TECRL: variants seen among roughly 807,000 people sequenced by gnomAD.
The protein encoded by TECRL is trans-2,3-enoyl-CoA reductase like.
Under a neutral mutation model 52.8 loss-of-function variants are expected in TECRL, and 63 were observed. The ratio of observed to expected loss-of-function variants is 1.19; its 90% CI spans 0.97 to 1.47. The LOEUF (loss-of-function observed/expected upper bound fraction) is 1.47, where lower values mean the gene tolerates loss of function less well. TECRL is among the 40% of genes most tolerant of loss of function. TECRL has a pLI of 0.00. For synonymous variants in TECRL, 164 were observed against 141.9 expected (o/e 1.16, Z -1.10); for missense variants, 482 against 429.6 (o/e 1.12, Z -1.08).
chr4:64,382,550 T>G (rs919289967), intron 1 of TECRL, among the ~76,000 whole-genome samples: 5 of 151,660 alleles, frequency 3.3e-5, no homozygotes, highest in African/African-American at 1.2e-4. Flanking sequence ...TGGTTTTCGT[T>G]TGTATGGAAT....
chr4:64,344,584 G>A (rs1719817626), intron 2 of TECRL, among the ~76,000 whole-genome samples: 1 of 152,126 alleles, frequency 6.6e-6, no homozygotes, highest in Non-Finnish European at 1.5e-5. Flanking sequence ...TGAAAATGGT[G>A]CCTGACATTT....
intron 2 of TECRL, among the ~76,000 whole-genome samples, chr4:64,367,236 G>A (rs545609679): frequency 1.6e-5 from 1 of 63,082 alleles, no homozygotes; most frequent in South Asian, 1.2e-3. Context: ...GCCTGCTTGA[G>A]GGTGGAGGTT....
chr4:64,370,567 T>C (rs999853603), intron 2 of TECRL, among the ~76,000 whole-genome samples: 5 of 151,862 alleles, frequency 3.3e-5, no homozygotes, highest in Admixed American at 6.6e-5. Context: ...TTGACTAATA[T>C]GTTACTAGTC....
chr4:64,358,579 T>C (rs1380964625), intron 2 of TECRL, among the ~76,000 whole-genome samples: 1 of 151,730 alleles, frequency 6.6e-6, no homozygotes, highest in Non-Finnish European at 1.5e-5. Context: ...GCAGTAAGTG[T>C]ATAATACTTT....
chr4:64,305,372 T>C, intron 6 of TECRL, 134 bp from the exon 7 acceptor site: 1 of 674,070 alleles, frequency 1.5e-6, no homozygotes, highest in Non-Finnish European at 2.5e-6. Flanking sequence ...ACTGCAGCAT[T>C]TATATGTAAA....
At chr4:64,407,668 T>C (rs1260354490) in intron 1 of TECRL, among the ~76,000 whole-genome samples, 2 of 151,868 alleles carry the variant, frequency 1.3e-5, no homozygotes, top group African/African-American at 4.8e-5. Context: ...TTTCATTCCA[T>C]TTGTTGCACT....
At chr4:64,352,870 T>A (rs979697453) in intron 2 of TECRL, among the ~76,000 whole-genome samples, 7 of 152,204 alleles carry the variant, frequency 4.6e-5, no homozygotes, top group Non-Finnish European at 8.8e-5. Flanking sequence ...TTTTGACAAC[T>A]TTTTTCTAAT....
intron 2 of TECRL, among the ~76,000 whole-genome samples, chr4:64,363,512 A>G (rs1297255543): frequency 6.6e-6 from 1 of 152,076 alleles, no homozygotes; most frequent in African/African-American, 2.4e-5. Context: ...TGTCCACCCT[A>G]CTGCTGTGTC....
At chr4:64,277,024 CT>C, downstream of TECRL, 1 of 1,494,736 alleles carries the variant, frequency 6.7e-7, no homozygotes, top group Non-Finnish European at 8.9e-7. Context: ...CAGGCTTTTT[CT>C]TTTGATGTCT....
Position 64,279,326 on chromosome 4 carries a change from C to T in TECRL, c.*746G>A, listed in dbSNP as rs1722699796. On this transcript the variant is annotated 3_prime_UTR_variant, in exon 12 of 12. Coordinates refer to ENST00000381210, the MANE Select transcript of TECRL (RefSeq NM_001010874.5). ...GGAGTGCCTTGGTTTAATCATGGCT[C>T]TCTGTAGCCTTGAACGCCTGAGCTG... is the stretch of plus-strand genomic sequence containing the variant. 1 of 152,092 alleles carries T rather than the reference C, an allele frequency of 6.6e-6. No individual in the cohort carries two copies. Among genetic ancestry groups the T allele is most frequent in the African/African-American group, 2.4e-5 (1 of 41,432 alleles). 9.4% of individuals were successfully genotyped at this position (152,092 alleles called of 1,614,324 possible).
At position 64,281,548 on chromosome 4, in the gene TECRL, A is replaced by C. The variant is rs149183594; in HGVS notation, c.844T>G (p.Cys282Gly). The C allele has an allele frequency of 8.5e-5, 136 of 1,598,384 alleles. No individual in the cohort carries two copies. The Middle Eastern group carries it at 1.2e-3, about 14-fold the overall frequency. The change falls in exon 10 of 12, where the codon TGT becomes GGT. Residue 282 changes from cysteine to glycine, a missense_variant. Physicochemically the swap from Cys to Gly is radical, Grantham distance 159. Transcript: ENST00000381210. Reference sequence around the variant, plus strand: ...GGGTTATAATTTGGACTTGGGAAACAGGCATTGTTTCCTTTTTCAAAGGAA... The same window carrying C: ...GGGTTATAATTTGGACTTGGGAAACCGGCATTGTTTCCTTTTTCAAAGGAA... ...SHPNHTGNNA[C>G]FPSPNYNPFT...
At chr4:64,333,195 A>G (rs1718771459) in intron 2 of TECRL, among the ~76,000 whole-genome samples, 1 of 152,118 alleles carries the variant, frequency 6.6e-6, no homozygotes, top group Non-Finnish European at 1.5e-5. Context: ...AAAAACAAAA[A>G]ATGTCATAAA....
chr4:64,319,368 A>T (rs1265366000), intron 4 of TECRL, among the ~76,000 whole-genome samples: 1 of 151,826 alleles, frequency 6.6e-6, no homozygotes, highest in South Asian at 2.1e-4. Flanking sequence ...AATGCAGGAG[A>T]GAACTCCAGG....
intron 8 of TECRL, among the ~76,000 whole-genome samples, chr4:64,296,707 T>C (rs1723706128): frequency 6.6e-6 from 1 of 151,806 alleles, no homozygotes; most frequent in South Asian, 2.1e-4. Flanking sequence ...AGGTAAAGTA[T>C]ATTTTGTTTC....
At chr4:64,404,532 T>A (rs1367166604) in intron 1 of TECRL, among the ~76,000 whole-genome samples, 1 of 152,132 alleles carries the variant, frequency 6.6e-6, no homozygotes, top group African/African-American at 2.4e-5. Flanking sequence ...ATTTAACAAT[T>A]ATTTTAAATC....
At chr4:64,350,482 T>C (rs1720304930) in intron 2 of TECRL, among the ~76,000 whole-genome samples, 1 of 152,242 alleles carries the variant, frequency 6.6e-6, no homozygotes, top group Non-Finnish European at 1.5e-5. Context: ...GATGTTTCTA[T>C]GAAGGTGTTT....
chr4:64,372,683 CA>C (rs1378379180), intron 2 of TECRL, among the ~76,000 whole-genome samples: 1 of 150,846 alleles, frequency 6.6e-6, no homozygotes, highest in Non-Finnish European at 1.5e-5. Context: ...AAAACGAGAA[CA>C]AAAGATAGAG....
At chr4:64,332,326 C>A (rs549187195) in intron 2 of TECRL, among the ~76,000 whole-genome samples, 1 of 152,256 alleles carries the variant, frequency 6.6e-6, no homozygotes, top group African/African-American at 2.4e-5. Flanking sequence ...GGAAACTAAG[C>A]TCAATTTTGA....
chr4:64,313,110 G>T (rs1042101377), intron 5 of TECRL, among the ~76,000 whole-genome samples: 6 of 152,146 alleles, frequency 3.9e-5, no homozygotes, highest in Non-Finnish European at 7.3e-5. Context: ...TAACACAGTA[G>T]CTAATCAGGA....
Sources: allele counts gnomAD v4.1 joint callset (sites outside exome capture counted in the v4.1 genomes callset), GRCh38; gene constraint gnomAD v4.1.1; transcripts MANE v1.5; gene names NCBI Gene and HGNC (gene_info 2026-07-23, HGNC 2026-07-21).